Variants in SLC2A14 observed in about 807,000 individuals in gnomAD.
The protein encoded by SLC2A14 is solute carrier family 2, facilitated glucose transporter member 14.
Under a neutral mutation model 43.0 loss-of-function variants are expected in SLC2A14, and 13 were observed. The ratio of observed to expected loss-of-function variants is 0.30; its 90% CI spans 0.20 to 0.48. The LOEUF is 0.48. SLC2A14 is among the 20% of genes least tolerant of loss of function. The pLI, the probability that SLC2A14 is intolerant of heterozygous loss-of-function variation, is 0.99. For missense variants in SLC2A14, 428 were observed against 620.4 expected, an observed-to-expected ratio of 0.69 and a Z score of 3.29; for synonymous variants, 190 against 233.8, an observed-to-expected ratio of 0.81 and a Z score of 1.71.
upstream of SLC2A14, chr12:7,873,384 G>C (rs1945344772): frequency 1.0e-6 from 1 of 983,532 alleles, no homozygotes; most frequent in Middle Eastern, 5.2e-4. Context: ...GCTCACACCT[G>C]TAATCCTAGC....
chr12:7,844,301 T>C (rs1230853078), intron 2 of SLC2A14, among the ~76,000 whole-genome samples: 1 of 152,142 alleles, frequency 6.6e-6, no homozygotes. Context: ...CTACGAGTAC[T>C]ATGTGGTGGT....
At chr12:7,836,934 T>C (rs11056035) in intron 2 of SLC2A14, among the ~76,000 whole-genome samples, 145,634 of 152,092 alleles carry the variant, frequency 0.96, 69,930 homozygotes, top group Non-Finnish European at 1. Context: ...TTTAGGAGGC[T>C]GAGGCAGGTG....
intron 1 of SLC2A14, chr12:7,890,707 CG>C: frequency 5.3e-6 from 1 of 189,630 alleles, no homozygotes; most frequent in Non-Finnish European, 1.1e-5. Context: ...TCTTTCACTC[CG>C]GAGGCTCTTA....
chr12:7,882,737 T>G (rs760814769), intron 1 of SLC2A14, among the ~76,000 whole-genome samples: 1 of 151,960 alleles, frequency 6.6e-6, no homozygotes, highest in Non-Finnish European at 1.5e-5. Flanking sequence ...CGTGGGAAGC[T>G]GAGGCTGGAG....
intron 7 of SLC2A14, among the ~76,000 whole-genome samples, chr12:7,821,800 G>A (rs1213432119): frequency 1.3e-5 from 2 of 149,078 alleles, no homozygotes; most frequent in African/African-American, 2.5e-5. Context: ...CTGCCACCGC[G>A]CCCAGCTAAT....
chr12:7,827,894 A>T (rs11055994), intron 6 of SLC2A14, among the ~76,000 whole-genome samples: 7 of 151,900 alleles, frequency 4.6e-5, no homozygotes, highest in Non-Finnish European at 1.0e-4. Context: ...TAATCCCAGC[A>T]TTTTGTGAGG....
chr12:7,872,949 G>T, upstream of SLC2A14: 1 of 985,450 alleles, frequency 1.0e-6, no homozygotes, highest in Non-Finnish European at 1.2e-6. Flanking sequence ...ACTTTGAATG[G>T]TCCGTTAATG....
intron 2 of SLC2A14, among the ~76,000 whole-genome samples, chr12:7,837,719 C>A (rs1371655100): frequency 7.2e-5 from 10 of 139,318 alleles, no homozygotes; most frequent in Non-Finnish European, 3.0e-5. Flanking sequence ...CTCACTCTGG[C>A]TGGGATTACT....
intron 10 of SLC2A14, among the ~76,000 whole-genome samples, chr12:7,816,681 T>C (rs189232998): frequency 6.6e-6 from 1 of 151,698 alleles, no homozygotes; most frequent in Non-Finnish European, 1.5e-5. Context: ...CTGGCCAACA[T>C]AGCAAGCCCC....
chr12:7,875,450 G>C (rs1945447141), upstream of SLC2A14, among the ~76,000 whole-genome samples: 1 of 150,610 alleles, frequency 6.6e-6, no homozygotes, highest in Non-Finnish European at 1.5e-5. Context: ...AGAGGTTGCA[G>C]TCAGCCAAGA....
chr12:7,873,232 G>GT, upstream of SLC2A14: 1 of 985,488 alleles, frequency 1.0e-6, no homozygotes, highest in South Asian at 4.7e-5. Context: ...GGGTGTGAAC[G>GT]TATCTATTTT....
At chr12:7,860,415 G>T (rs191417413) in intron 2 of SLC2A14, 1 of 152,280 alleles carries the variant, frequency 6.6e-6, no homozygotes, top group Non-Finnish European at 1.5e-5. Flanking sequence ...GGAACTAGTT[G>T]GTCAGGATAG....
chr12:7,838,915 A>T (rs921759635), intron 2 of SLC2A14, among the ~76,000 whole-genome samples: 2 of 152,038 alleles, frequency 1.3e-5, no homozygotes, highest in African/African-American at 4.8e-5. Flanking sequence ...AGGTGTCCTT[A>T]TGAGAAGAGG....
At chr12:7,823,183 G>T (rs1864071362) in intron 7 of SLC2A14, among the ~76,000 whole-genome samples, 1 of 151,866 alleles carries the variant, frequency 6.6e-6, no homozygotes, top group Non-Finnish European at 1.5e-5. Flanking sequence ...AGGAGTTCAA[G>T]ACCAGCCTAG....
intron 7 of SLC2A14, among the ~76,000 whole-genome samples, chr12:7,821,888 G>A (rs1205304743): frequency 7.0e-6 from 1 of 142,664 alleles, no homozygotes; most frequent in East Asian, 2.1e-4. Context: ...GCAGTGGCAC[G>A]ATCTCGGCTC....
At chr12:7,884,720 C>T (rs755553771) in intron 1 of SLC2A14, among the ~76,000 whole-genome samples, 11 of 152,116 alleles carry the variant, frequency 7.2e-5, no homozygotes, top group East Asian at 1.9e-4. Flanking sequence ...ATTGAGAAGG[C>T]GATTCTCTTC....
chr12:7,833,943 C>T (rs1194188393), intron 2 of SLC2A14, among the ~76,000 whole-genome samples: 4 of 152,108 alleles, frequency 2.6e-5, no homozygotes, highest in South Asian at 2.1e-4. Context: ...TGTCCTTTCC[C>T]GCACCCCCAC....
At chr12:7,886,151 C>CTTTTTTTGTTTTTTTTTTT (rs1945685089) in intron 1 of SLC2A14, among the ~76,000 whole-genome samples, 1 of 44,696 alleles carries the variant, frequency 2.2e-5, no homozygotes, top group Non-Finnish European at 3.9e-5. Flanking sequence ...GCCCGGACAG[C>CTTTTTTTGTTTTTTTTTTT]TTTTTTTTTT....
rs377176557 is a variant in SLC2A14 at position 7,833,597 on chromosome 12, A to G, written c.19-783T>C. On this transcript the variant is annotated intron_variant, in intron 2 of 10. Coordinates refer to ENST00000431042, the MANE Select transcript of SLC2A14 (RefSeq NM_001286234.2). Reference sequence around the variant, plus strand: ...GGAGTTCGAGACCAGCCTGGCCAACATGGTGAAACCCCATCTCTACTAAAA... The same window carrying G: ...GGAGTTCGAGACCAGCCTGGCCAACGTGGTGAAACCCCATCTCTACTAAAA... Among the ~76,000 whole-genome samples, 39 of 152,250 alleles carry G rather than the reference A, an allele frequency of 2.6e-4. No individual in the cohort carries two copies. The South Asian group carries it at 7.9e-3, about 31-fold the overall frequency.
Sources: allele counts gnomAD v4.1 joint callset (sites outside exome capture counted in the v4.1 genomes callset), GRCh38; gene constraint gnomAD v4.1.1; transcripts MANE v1.5; gene names NCBI Gene and HGNC (gene_info 2026-07-23, HGNC 2026-07-21).